SERPINI1: variants seen among roughly 807,000 people sequenced by gnomAD.
SERPINI1 encodes serpin family I member 1.
A neutral mutation model predicts 41.1 loss-of-function variants in SERPINI1; 19 were observed. The ratio of observed to expected loss-of-function variants is 0.46; its 90% CI spans 0.32 to 0.68. SERPINI1 has a LOEUF of 0.68. SERPINI1 is among the 30% of genes least tolerant of loss of function. SERPINI1 has a pLI of 0.03. For missense variants in SERPINI1, 460 were observed against 479.2 expected (o/e 0.96, Z 0.37); for synonymous variants, 138 against 156.6 (o/e 0.88, Z 0.89).
intron 6 of SERPINI1, among the ~76,000 whole-genome samples, chr3:167,808,641 TC>T (rs987130196): frequency 6.6e-6 from 1 of 152,018 alleles, no homozygotes; most frequent in Non-Finnish European, 1.5e-5. Context: ...AATTTAGTTT[TC>T]TTAGCCTGAA....
At chr3:167,742,845 T>C (rs1725724822) in intron 1 of SERPINI1, among the ~76,000 whole-genome samples, 1 of 135,886 alleles carries the variant, frequency 7.4e-6, no homozygotes, top group Non-Finnish European at 1.6e-5. Context: ...TGTGTGTGTG[T>C]GTGTGTGTGT....
chr3:167,822,603 G>A (rs1206195937), intron 6 of SERPINI1, among the ~76,000 whole-genome samples: 2 of 151,896 alleles, frequency 1.3e-5, no homozygotes, highest in African/African-American at 2.4e-5. Flanking sequence ...TATTCTGGCT[G>A]TTTCTGAATT....
intron 1 of SERPINI1, among the ~76,000 whole-genome samples, chr3:167,747,261 G>A (rs992282209): frequency 4.6e-5 from 7 of 152,164 alleles, no homozygotes; most frequent in African/African-American, 1.7e-4. Context: ...GGAAGTGACT[G>A]CAAATAGTTA....
At chr3:167,799,168 T>A (rs1040179356) in intron 5 of SERPINI1, among the ~76,000 whole-genome samples, 1 of 152,072 alleles carries the variant, frequency 6.6e-6, no homozygotes. Flanking sequence ...CATTAGGTAT[T>A]TCTCCTAATG....
chr3:167,754,165 G>A (rs1476529213), intron 1 of SERPINI1, among the ~76,000 whole-genome samples: 1 of 152,070 alleles, frequency 6.6e-6, no homozygotes, highest in Non-Finnish European at 1.5e-5. Context: ...TTTTTATACT[G>A]GTTAATTAGG....
intron 2 of SERPINI1, 49 bp downstream of exon 2, chr3:167,789,427 A>G (rs1347677726): frequency 6.2e-7 from 1 of 1,606,986 alleles, no homozygotes. Flanking sequence ...TTTGACTTTG[A>G]CTCAGTTATG....
chr3:167,780,567 A>G (rs1727089102), intron 1 of SERPINI1, among the ~76,000 whole-genome samples: 1 of 152,176 alleles, frequency 6.6e-6, no homozygotes, highest in Non-Finnish European at 1.5e-5. Flanking sequence ...CCAAGGCCAA[A>G]AGATTTATTA....
chr3:167,757,847 A>T (rs1007344279), intron 1 of SERPINI1, among the ~76,000 whole-genome samples: 2 of 152,180 alleles, frequency 1.3e-5, no homozygotes, highest in Non-Finnish European at 2.9e-5. Flanking sequence ...TGAACCCAGG[A>T]GGCGGAGATT....
intron 1 of SERPINI1, among the ~76,000 whole-genome samples, chr3:167,762,225 A>G (rs1726406845): frequency 6.6e-6 from 1 of 151,940 alleles, no homozygotes; most frequent in Non-Finnish European, 1.5e-5. Flanking sequence ...TATAAGGTCA[A>G]TGCCTCTGCT....
chr3:167,802,369 C>A lies in SERPINI1; in HGVS notation c.882-4875C>A, dbSNP rs1350220141. 2.7e-5 allele frequency among the ~76,000 whole-genome samples: 4 copies of A among 150,106 alleles called. No homozygotes were observed. In the South Asian group the frequency reaches 6.3e-4, roughly 24 times the overall value. Reference sequence around the variant, plus strand: ...ACAAAATGGGAGAAAATTTTTGCAACCTACTCATCTGACAAAGGGCTAATA... The same window carrying A: ...ACAAAATGGGAGAAAATTTTTGCAAACTACTCATCTGACAAAGGGCTAATA... On this transcript the variant is annotated intron_variant, in intron 5 of 8. Coordinates refer to ENST00000446050, the MANE Select transcript of SERPINI1 (RefSeq NM_001122752.2).
intron 1 of SERPINI1, among the ~76,000 whole-genome samples, chr3:167,756,323 G>A (rs1218264087): frequency 6.6e-6 from 1 of 152,012 alleles, no homozygotes; most frequent in Non-Finnish European, 1.5e-5. Flanking sequence ...TTGAGACAAT[G>A]TCTCACTCTG....
chr3:167,761,582 T>C (rs1025230544), intron 1 of SERPINI1, among the ~76,000 whole-genome samples: 8 of 152,198 alleles, frequency 5.3e-5, no homozygotes, highest in African/African-American at 1.9e-4. Flanking sequence ...TAATTTCTGT[T>C]GCATAAATGA....
chr3:167,823,942 G>T (rs756423210), intron 7 of SERPINI1, among the ~76,000 whole-genome samples: 1 of 152,114 alleles, frequency 6.6e-6, no homozygotes, highest in Admixed American at 6.6e-5. Context: ...AGGATACCTC[G>T]TTGTATCTCT....
At chr3:167,744,077 C>T (rs1028838429) in intron 1 of SERPINI1, among the ~76,000 whole-genome samples, 11 of 151,988 alleles carry the variant, frequency 7.2e-5, no homozygotes, top group African/African-American at 2.7e-4. Context: ...CTATCTGGCC[C>T]TTTTAAAAAA....
At chr3:167,807,114 C>G in intron 5 of SERPINI1, 130 bp from the exon 6 acceptor site, 1 of 688,018 alleles carries the variant, frequency 1.5e-6, no homozygotes, top group Non-Finnish European at 2.6e-6. Flanking sequence ...TAATTGCAGT[C>G]AAAAGCCAGT....
At chr3:167,799,215 C>T (rs1727818226) in intron 5 of SERPINI1, among the ~76,000 whole-genome samples, 1 of 152,076 alleles carries the variant, frequency 6.6e-6, no homozygotes, top group African/African-American at 2.4e-5. Context: ...CCAACAGGCC[C>T]CGGTGTGTGA....
intron 1 of SERPINI1, among the ~76,000 whole-genome samples, chr3:167,750,002 G>A (rs893047715): frequency 1.3e-5 from 2 of 152,126 alleles, no homozygotes; most frequent in Non-Finnish European, 2.9e-5. Flanking sequence ...ATGACCTTCA[G>A]GCATAAGAAA....
rs987673602 is a variant in SERPINI1, at chr3:167,820,875, C to T, written c.980-2111C>T. Among the ~76,000 whole-genome samples the T allele has an allele frequency of 9.2e-5, 14 of 152,154 alleles. No individual in the cohort carries two copies. The East Asian group carries it at 1.4e-3, about 15-fold the overall frequency. Reference sequence around the variant, plus strand: ...ATGAGAACTTACGGTGCTTTTTCCGCGCCACCTGTGGCCACCCATGGATCA... The same window carrying T: ...ATGAGAACTTACGGTGCTTTTTCCGTGCCACCTGTGGCCACCCATGGATCA... On this transcript the variant is annotated intron_variant, in intron 6 of 8. Coordinates refer to ENST00000446050, the MANE Select transcript of SERPINI1 (RefSeq NM_001122752.2).
chr3:167,741,103 G>T (rs1283229469), intron 1 of SERPINI1, among the ~76,000 whole-genome samples: 1 of 152,148 alleles, frequency 6.6e-6, no homozygotes, highest in Non-Finnish European at 1.5e-5. Context: ...AGTGCTCAGT[G>T]TTGGTCTTCT....
Sources: allele counts gnomAD v4.1 joint callset (sites outside exome capture counted in the v4.1 genomes callset), GRCh38; gene constraint gnomAD v4.1.1; transcripts MANE v1.5; gene names NCBI Gene and HGNC (gene_info 2026-07-23, HGNC 2026-07-21).